KIF26B: variants seen among roughly 807,000 people sequenced by gnomAD.
KIF26B encodes the protein kinesin family member 26B, also known as kinesin-like protein KIF26B.
In KIF26B, 63 loss-of-function variants were observed where a neutral mutation model predicts 151.2. The observed-to-expected ratio is 0.42, with a 90% CI of 0.34 to 0.51. The LOEUF (loss-of-function observed/expected upper bound fraction) is 0.51. Among genes scored for constraint, KIF26B ranks in the 20% least tolerant of loss-of-function variants. The probability of loss-of-function intolerance (pLI) is 0.07; values close to 1 mark genes in which losing one functional copy is unlikely to be tolerated. For missense variants in KIF26B, 2,813 were observed against 2,913.6 expected, an observed-to-expected ratio of 0.97 and a Z score of 0.79; for synonymous variants, 1,357 against 1,262.1, an observed-to-expected ratio of 1.08 and a Z score of -1.59.
intron 3 of KIF26B, among the ~76,000 whole-genome samples, chr1:245,402,321 T>C (rs1674027189): frequency 6.6e-6 from 1 of 152,214 alleles, no homozygotes; most frequent in South Asian, 2.1e-4. Flanking sequence ...AAAGTTCCTT[T>C]AAACTGGGTG....
chr1:245,688,054 G>T lies in KIF26B; in HGVS notation c.5071G>T (p.Val1691Leu), dbSNP rs1335656054. 1.9e-6 allele frequency: 3 copies of T among 1,553,824 alleles called. No homozygotes were observed. The highest frequency in any genetic ancestry group is 2.4e-5 in the South Asian group (2 of 84,490). Residue 1691 changes from valine (V) to leucine (L), a missense_variant, in exon 12 of 15, where the codon GTG becomes TTG. Coordinates refer to ENST00000407071, the MANE Select transcript of KIF26B (RefSeq NM_018012.4). ...GGAGCGGGCCGAGAGCCTGTCCTCCGTGAGCTCCCGGCTGCACGCGGGCAA... is the reference window on the plus strand; with the variant it reads ...GGAGCGGGCCGAGAGCCTGTCCTCCTTGAGCTCCCGGCTGCACGCGGGCAA... ...SLERAESLSS[V>L]SSRLHAGKDG...
At chr1:245,550,869 G>C (rs1661865537) in intron 5 of KIF26B, among the ~76,000 whole-genome samples, 1 of 152,082 alleles carries the variant, frequency 6.6e-6, no homozygotes, top group South Asian at 2.1e-4. Flanking sequence ...GTTTCTACAG[G>C]AAAAAGGAGA....
At position 245,156,417 on chromosome 1, in the gene KIF26B, G is replaced by A. The variant is rs1668433569; in HGVS notation, c.199G>A (p.Gly67Arg). The change falls in exon 2 of 15, where the codon GGG (glycine) becomes AGG (arginine). Residue 67 changes from glycine (G) to arginine (R), a missense_variant. Gly to Arg is a moderately radical substitution (Grantham distance 125, BLOSUM62 -2). Around this residue, in one of 3 missense-constraint regions of KIF26B, gnomAD observed 676 missense variants for 688.1 expected, o/e 0.98. Transcript: ENST00000407071. ...EGAGSALGSS[G>R]TPSPGSGTSS... The stretch of plus-strand genomic sequence containing the variant: ...CGCGGGCTCAGCGCTCGGCTCCTCG[G>A]GGACCCCGTCTCCCGGCTCGGGCAC... 2.6e-6 allele frequency: 4 copies of A among 1,532,148 alleles called. No homozygotes were observed. Among genetic ancestry groups the A allele is most frequent in the Non-Finnish European group, 3.5e-6 (4 of 1,141,620 alleles). The allele number at this position is 1,532,148 out of a possible 1,614,324, so 94.9% of individuals were successfully genotyped here. A position where few individuals can be genotyped will look rare whatever the true frequency, so the allele number is the denominator to read the frequency against.
In KIF26B at chr1:245,244,756, T is replaced by TCTCACA. The variant is rs138815719; in HGVS notation, c.465+88074_465+88075insTCACAC. Among the ~76,000 whole-genome samples, 2 of 144,354 alleles carry TCTCACA rather than the reference T, an allele frequency of 1.4e-5. No individual in the cohort carries two copies. Among genetic ancestry groups the TCTCACA allele is most frequent in the African/African-American group, 5.1e-5 (2 of 39,114 alleles). The allele number at this position is 144,354 out of a possible 152,430, so 94.7% of individuals were successfully genotyped here. ...AGAAGGAACACACAGACACGCACACTCACACACACACACACACACACACAC... is the reference window on the plus strand; with the variant it reads ...AGAAGGAACACACAGACACGCACACTCTCACACACACACACACACACACACACACAC... On this transcript the variant is annotated intron_variant, in intron 2 of 14. Transcript: ENST00000407071. This position sits in a 1 kb window ranked among gnomAD's most constrained non-coding sequence, Gnocchi z 4.2.
rs1184041434 is a variant in KIF26B, at chr1:245,318,715, A to G, written c.466-48119A>G. On this transcript the variant is annotated intron_variant, in intron 2 of 14. Transcript: ENST00000407071. This position sits in a 1 kb window ranked among gnomAD's most constrained non-coding sequence, Gnocchi z 4.0. ...GCTCTGAAAACTTTGCAAACTGTAC[A>G]TAACTCAATTCCCCAGGCTGCTGTG... Among the ~76,000 whole-genome samples, 1 of 152,142 alleles carries G rather than the reference A, an allele frequency of 6.6e-6. No individual in the cohort carries two copies. The highest frequency in any genetic ancestry group is 1.5e-5 in the Non-Finnish European group (1 of 68,034).
chr1:245,523,728 C>T (rs1661181499), intron 4 of KIF26B, among the ~76,000 whole-genome samples: 1 of 152,164 alleles, frequency 6.6e-6, no homozygotes, highest in South Asian at 2.1e-4. Context: ...TGCCCCATCT[C>T]CAAATACCAT....
chr1:245,596,422 T>C (rs944768552), intron 5 of KIF26B, among the ~76,000 whole-genome samples: 1 of 152,230 alleles, frequency 6.6e-6, no homozygotes, highest in Non-Finnish European at 1.5e-5. Flanking sequence ...ATTTACCCAA[T>C]AGTCATTCAG....
intron 4 of KIF26B, among the ~76,000 whole-genome samples, chr1:245,523,405 GA>G (rs1189112762): frequency 6.6e-6 from 1 of 152,210 alleles, no homozygotes; most frequent in East Asian, 1.9e-4. Flanking sequence ...GAGTTAAACA[GA>G]GTATCTGTAG....
At chr1:245,326,684 T>C (rs970002753) in intron 2 of KIF26B, among the ~76,000 whole-genome samples, 2 of 152,238 alleles carry the variant, frequency 1.3e-5, no homozygotes, top group Non-Finnish European at 2.9e-5. Context: ...TCCTCCATGG[T>C]GCCTGCCTCT....
At chr1:245,346,389 C>T (rs928772741) in intron 2 of KIF26B, among the ~76,000 whole-genome samples, 2 of 152,216 alleles carry the variant, frequency 1.3e-5, no homozygotes, top group Non-Finnish European at 2.9e-5. Context: ...CGCCTCATCA[C>T]TGCTCCATGA....
chr1:245,353,434 T>C (rs1455977690), intron 2 of KIF26B, among the ~76,000 whole-genome samples: 1 of 152,172 alleles, frequency 6.6e-6, no homozygotes, highest in Non-Finnish European at 1.5e-5. Context: ...TTAGCTTTAT[T>C]TGGTGGAGGG....
chr1:245,612,095 T>A lies in KIF26B; in HGVS notation c.2098+119T>A, dbSNP rs961626993. 7.3e-3 allele frequency: 5,086 copies of A among 693,314 alleles called. 40 individuals are homozygous for A. The highest frequency in any genetic ancestry group is 0.014 in the Admixed American group (385 of 27,742). 42.9% of individuals were successfully genotyped at this position (693,314 alleles called of 1,614,324 possible). A position where few individuals can be genotyped will look rare whatever the true frequency, so the allele number is the denominator to read the frequency against. On this transcript the variant is annotated intron_variant, in intron 9 of 14. Transcript: ENST00000407071. ...GTGTGTGTGTGTGTGTGTGTGTGTG[T>A]GTGTGTGTGTGAGAGAGAGAGAGAG...
At chr1:245,249,362 G>C (rs1670396396) in intron 2 of KIF26B, among the ~76,000 whole-genome samples, 1 of 152,148 alleles carries the variant, frequency 6.6e-6, no homozygotes, top group Non-Finnish European at 1.5e-5. Flanking sequence ...GCTTCCCAAA[G>C]TGCTGGGATT....
chr1:245,550,332 A>G (rs997988420), intron 5 of KIF26B, among the ~76,000 whole-genome samples: 8 of 152,234 alleles, frequency 5.3e-5, no homozygotes, highest in African/African-American at 1.7e-4. Flanking sequence ...TCTGTTTTCC[A>G]ATGCTAGCTT....
chr1:245,169,362 T>TGTGTGTGTGTGTGTGCGCGC (rs879260509), intron 2 of KIF26B, among the ~76,000 whole-genome samples: 1 of 150,988 alleles, frequency 6.6e-6, no homozygotes, highest in Non-Finnish European at 1.5e-5. Context: ...TGTGTGTGTG[T>TGTGTGTGTGTGTGTGCGCGC]GCGCGCAAGC....
At chr1:245,219,362 G>A (rs112366185) in intron 2 of KIF26B, among the ~76,000 whole-genome samples, 117 of 151,858 alleles carry the variant, frequency 7.7e-4, no homozygotes, top group African/African-American at 2.7e-3. Flanking sequence ...CTTGTGATCT[G>A]CCTGCCCCGG....
chr1:245,190,030 G>A (rs952501106), intron 2 of KIF26B, among the ~76,000 whole-genome samples: 17 of 130,096 alleles, frequency 1.3e-4, no homozygotes, highest in South Asian at 6.3e-4. Flanking sequence ...TCTCCTCCCC[G>A]GTCCCTCCCA....
chr1:245,299,928 G>C lies in KIF26B; in HGVS notation c.466-66906G>C, dbSNP rs542233865. On this transcript the variant is annotated intron_variant, in intron 2 of 14. Coordinates refer to ENST00000407071, the MANE Select transcript of KIF26B (RefSeq NM_018012.4). ...GCTGGCAAAGTGAGTCAGAGATTGCGAGGAGAGGCTGAGAGCTTCCTGGGA... is the reference window on the plus strand; with the variant it reads ...GCTGGCAAAGTGAGTCAGAGATTGCCAGGAGAGGCTGAGAGCTTCCTGGGA... Among the ~76,000 whole-genome samples the C allele has an allele frequency of 5.3e-5, 8 of 152,318 alleles. No homozygotes were observed. In the South Asian group the frequency reaches 1.7e-3, roughly 32 times the overall value.
intron 4 of KIF26B, among the ~76,000 whole-genome samples, chr1:245,471,667 C>T (rs530369052): frequency 5.9e-5 from 9 of 152,160 alleles, no homozygotes; most frequent in Non-Finnish European, 8.8e-5. Flanking sequence ...TGTATGTCGG[C>T]GTTTTCTCTC....
Sources: gnomAD v4.1 joint callset for allele counts (sites outside exome capture counted in the v4.1 genomes callset) on GRCh38, gnomAD v4.1.1 for gene constraint, gnomAD v4.1.1 regional missense constraint, Gnocchi (gnomAD v3.1) non-coding constraint, MANE v1.5 for transcripts, NCBI Gene and HGNC (gene_info 2026-07-23, HGNC 2026-07-21) for gene names.